AGAP1: variants seen among roughly 807,000 people sequenced by gnomAD.
AGAP1 encodes the protein ArfGAP with GTPase domain, ankyrin repeat and PH domain 1, also known as arf-GAP with GTPase, ANK repeat and PH domain-containing protein 1.
AGAP1 carries 29 observed loss-of-function variants against 105.3 expected under a neutral mutation model. The observed-to-expected ratio is 0.28, with a 90% CI of 0.21 to 0.38. The LOEUF is 0.38. Ranked by LOEUF, AGAP1 falls within the 10% of genes least tolerant of loss-of-function variation. The pLI is 1.00. For synonymous variants in AGAP1, 509 were observed against 485.9 expected (o/e 1.05, Z -0.63); for missense variants, 998 against 1,165.1 (o/e 0.86, Z 2.09).
chr2:235,512,936 G>T (rs1480378830), intron 1 of AGAP1, among the ~76,000 whole-genome samples: 1 of 152,200 alleles, frequency 6.6e-6, no homozygotes, highest in African/African-American at 2.4e-5. Flanking sequence ...GCTCCCGGCC[G>T]GCCTAGGCCC....
At chr2:235,846,370 C>G (rs1961491940) in intron 9 of AGAP1, among the ~76,000 whole-genome samples, 1 of 152,156 alleles carries the variant, frequency 6.6e-6, no homozygotes, top group Non-Finnish European at 1.5e-5. Context: ...GTCACCCAGG[C>G]TGGAGTGCAG....
rs1473389919 is a variant in AGAP1, at chr2:236,020,228, C to T, written c.1646-16333C>T. On this transcript the variant is annotated intron_variant, in intron 13 of 17. Coordinates refer to ENST00000304032, the MANE Select transcript of AGAP1 (RefSeq NM_001037131.3). The surrounding 1 kb of genome is among the most constrained non-coding windows in gnomAD (Gnocchi z 5.0). ...ATACCTAGAGATGTGGAACATGGCC[C>T]CTGCATTGCTCCTTGCCTAGGACCA... Among the ~76,000 whole-genome samples, 1 of 152,144 alleles carries T rather than the reference C, an allele frequency of 6.6e-6. No homozygotes were observed. The highest frequency in any genetic ancestry group is 2.4e-5 in the African/African-American group (1 of 41,426).
rs139922479 is a variant in AGAP1, at chr2:235,757,635, G to A, written c.673+7147G>A. Among the ~76,000 whole-genome samples the A allele has an allele frequency of 3.4e-3, 523 of 152,258 alleles. 3 individuals are homozygous for A. The highest frequency in any genetic ancestry group is 0.012 in the African/African-American group (497 of 41,550). ...TTGTCTTTTGTCCCTTCCCAGTAAC[G>A]GCTCACCTGGGCCTATCTAACCCAT... On this transcript the variant is annotated intron_variant, in intron 6 of 17. Transcript: ENST00000304032.
At chr2:236,068,900 A>G (rs914015415) in intron 16 of AGAP1, among the ~76,000 whole-genome samples, 31 of 149,490 alleles carry the variant, frequency 2.1e-4, no homozygotes, top group African/African-American at 7.6e-4. Flanking sequence ...AGGCCAAGGC[A>G]GGCGGATCAT....
rs944065746 is a variant in AGAP1, at chr2:236,051,849, C to T, written c.2114+2568C>T. Among the ~76,000 whole-genome samples, 4 of 152,288 alleles carry T rather than the reference C, an allele frequency of 2.6e-5. No individual in the cohort carries two copies. Among genetic ancestry groups the T allele is most frequent in the South Asian group, 2.1e-4 (1 of 4,822 alleles). On this transcript the variant is annotated intron_variant, in intron 16 of 17. Transcript: ENST00000304032. The surrounding 1 kb of genome is among the most constrained non-coding windows in gnomAD (Gnocchi z 5.9). ...TGGAGCATGCGGGAAGCCTTAACTA[C>T]ACTGTCCAAAGCAAAACACACCCAG...
Position 235,741,536 on chromosome 2 carries a change from C to T in AGAP1, c.396+488C>T, listed in dbSNP as rs577032889. Among the ~76,000 whole-genome samples, 4 of 152,158 alleles carry T rather than the reference C, an allele frequency of 2.6e-5. No homozygotes were observed. Among genetic ancestry groups the T allele is most frequent in the Admixed American group, 1.3e-4 (2 of 15,278 alleles). On this transcript the variant is annotated intron_variant, in intron 4 of 17. Transcript: ENST00000304032. This position sits in a 1 kb window ranked among gnomAD's most constrained non-coding sequence, Gnocchi z 4.9. The stretch of plus-strand genomic sequence containing the variant: ...TTGGCCCAAGCAAGGCAGTCTCCAC[C>T]GAAAGCCGGTATGAAGCATATTATG...
chr2:236,019,369 T>C (rs956488368), intron 13 of AGAP1, among the ~76,000 whole-genome samples: 1 of 152,132 alleles, frequency 6.6e-6, no homozygotes, highest in Non-Finnish European at 1.5e-5. Flanking sequence ...CCCTGGATGC[T>C]CTGGGGGCTT....
chr2:235,685,860 T>TTGG (rs1949354423), intron 1 of AGAP1, among the ~76,000 whole-genome samples: 1 of 152,040 alleles, frequency 6.6e-6, no homozygotes, highest in African/African-American at 2.4e-5. Flanking sequence ...TGAGCACAGC[T>TTGG]TGGTACGTTT....
Position 235,709,222 on chromosome 2 carries a change from C to G in AGAP1, c.207C>G (p.Val69=). 1.2e-6 allele frequency: 2 copies of G among 1,614,086 alleles called. No individual in the cohort carries two copies. The highest frequency in any genetic ancestry group is 1.7e-6 in the Non-Finnish European group (2 of 1,180,014). ...AGGAATGGACGCTGAGTCGATCTGT[C>G]CCGGAGCTCAAAGTGGTGAGTGGTT... is the stretch of plus-strand genomic sequence containing the variant. ...NSQEWTLSRS[V]PELKVGIVGN... The change falls in exon 2 of 18, where the codon GTC becomes GTG. Residue 69 remains valine (V), a synonymous_variant. Transcript: ENST00000304032.
intron 1 of AGAP1, among the ~76,000 whole-genome samples, chr2:235,546,712 A>G (rs1357598934): frequency 3.3e-5 from 5 of 152,320 alleles, no homozygotes; most frequent in African/African-American, 1.2e-4. Context: ...TTTGGAGTCC[A>G]GAACCACATG....
Position 235,912,694 on chromosome 2 carries a change from GTTC to G in AGAP1, c.1324+3791_1324+3793del, listed in dbSNP as rs1179039333. Among the ~76,000 whole-genome samples, 4 of 152,216 alleles carry G rather than the reference GTTC, an allele frequency of 2.6e-5. No homozygotes were observed. In the East Asian group the frequency reaches 7.7e-4, roughly 29 times the overall value. The stretch of plus-strand genomic sequence containing the variant: ...TTCGGTTGGTATAACCATTTACAGG[GTTC>G]TTGATACACATTTCCAAATTAACTT... On this transcript the variant is annotated intron_variant, in intron 11 of 17. Transcript: ENST00000304032.
At chr2:235,709,073 C>A in intron 1 of AGAP1, 106 bp from the exon 2 acceptor site, 3 of 1,124,764 alleles carry the variant, frequency 2.7e-6, no homozygotes, top group Non-Finnish European at 4.0e-6. Flanking sequence ...GGCTTGTCTG[C>A]ACCATCTTCA....
chr2:236,053,876 C>T lies in AGAP1; in HGVS notation c.2114+4595C>T, dbSNP rs2057979029. ...TCTTTGATGCCACTTGGAAGGGAAC[C>T]GAGTTTGCTGATTTAGTACGTATTC... On this transcript the variant is annotated intron_variant, in intron 16 of 17. Coordinates refer to ENST00000304032, the MANE Select transcript of AGAP1 (RefSeq NM_001037131.3). The surrounding 1 kb of genome is among the most constrained non-coding windows in gnomAD (Gnocchi z 4.6). 6.6e-6 allele frequency among the ~76,000 whole-genome samples: 1 copy of T among 152,254 alleles called. No individual in the cohort carries two copies. The highest frequency in any genetic ancestry group is 2.4e-5 in the African/African-American group (1 of 41,466).
rs1035364547 is a variant in AGAP1 at position 235,953,759 on chromosome 2, A to G, written c.1484-14703A>G. Among the ~76,000 whole-genome samples the G allele has an allele frequency of 6.6e-6, 1 of 151,992 alleles. No homozygotes were observed. The highest frequency in any genetic ancestry group is 6.5e-5 in the Admixed American group (1 of 15,268). Reference sequence around the variant, plus strand: ...AGCCTGGGAGGTATAGTGAGACCCCATCTCTACAAAGAAATTATCAGGGCA... The same window carrying G: ...AGCCTGGGAGGTATAGTGAGACCCCGTCTCTACAAAGAAATTATCAGGGCA... On this transcript the variant is annotated intron_variant, in intron 12 of 17. Coordinates refer to ENST00000304032, the MANE Select transcript of AGAP1 (RefSeq NM_001037131.3). This position sits in a 1 kb window ranked among gnomAD's most constrained non-coding sequence, Gnocchi z 5.2.
chr2:236,104,341 C>T lies in AGAP1; in HGVS notation c.2115-15851C>T, dbSNP rs890821034. 6.6e-6 allele frequency among the ~76,000 whole-genome samples: 1 copy of T among 152,248 alleles called. No homozygotes were observed. The highest frequency in any genetic ancestry group is 2.4e-5 in the African/African-American group (1 of 41,466). On this transcript the variant is annotated intron_variant, in intron 16 of 17. Coordinates refer to ENST00000304032, the MANE Select transcript of AGAP1 (RefSeq NM_001037131.3). This position sits in a 1 kb window ranked among gnomAD's most constrained non-coding sequence, Gnocchi z 4.7. Reference sequence around the variant, plus strand: ...TTCCATCCCCAGTGCCCTCTGACTGCACGGGGCTGAGAAGTCCCCCAGCGG... The same window carrying T: ...TTCCATCCCCAGTGCCCTCTGACTGTACGGGGCTGAGAAGTCCCCCAGCGG...
rs368162139 is a variant in AGAP1 at position 236,078,660 on chromosome 2, C to G, written c.2114+29379C>G. 1.6e-4 allele frequency among the ~76,000 whole-genome samples: 25 copies of G among 152,324 alleles called. No individual in the cohort carries two copies. The South Asian group carries it at 4.6e-3, about 28-fold the overall frequency. On this transcript the variant is annotated intron_variant, in intron 16 of 17. Transcript: ENST00000304032. The surrounding 1 kb of genome is among the most constrained non-coding windows in gnomAD (Gnocchi z 5.3). Reference sequence around the variant, plus strand: ...AGCAGCGTGCTAGCATTTCTTGACTCCAGATGGGTTTCACACACGTCTGTC... The same window carrying G: ...AGCAGCGTGCTAGCATTTCTTGACTGCAGATGGGTTTCACACACGTCTGTC...
intron 13 of AGAP1, among the ~76,000 whole-genome samples, chr2:235,997,643 G>A (rs2055876645): frequency 6.6e-6 from 1 of 152,132 alleles, no homozygotes; most frequent in Non-Finnish European, 1.5e-5. Context: ...TTGGTTTATT[G>A]TTTAAGAAGA....
intron 16 of AGAP1, among the ~76,000 whole-genome samples, chr2:236,102,686 G>A (rs902841120): frequency 6.6e-6 from 1 of 152,092 alleles, no homozygotes; most frequent in African/African-American, 2.4e-5. Context: ...GTCTGCAAGT[G>A]GAGAATGGCA....
At chr2:235,968,439 T>C (rs2054497185) in intron 12 of AGAP1, 23 bp from the exon 13 acceptor site, 1 of 1,478,456 alleles carries the variant, frequency 6.8e-7, no homozygotes, top group Non-Finnish European at 8.9e-7. Context: ...TTTTTTTTTT[T>C]GCCTTTTCCG....
Sources: gnomAD v4.1 joint callset for allele counts (sites outside exome capture counted in the v4.1 genomes callset) on GRCh38, gnomAD v4.1.1 for gene constraint, Gnocchi (gnomAD v3.1) non-coding constraint, MANE v1.5 for transcripts, NCBI Gene and HGNC (gene_info 2026-07-23, HGNC 2026-07-21) for gene names.